HEMK2: variants seen among roughly 807,000 people sequenced by gnomAD.
HEMK2 encodes the protein methyltransferase HEMK2.
chr21:28,759,782 C>T, the HEMK2 span, among the ~76,000 whole-genome samples: 2 of 152,122 alleles, frequency 1.3e-5, no homozygotes, highest in Admixed American at 1.3e-4. Context: ...TCTCTCTTGT[C>T]TGCCACCATG....
At chr21:28,719,478 G>A in the HEMK2 span, among the ~76,000 whole-genome samples, 4 of 152,152 alleles carry the variant, frequency 2.6e-5, no homozygotes, top group African/African-American at 4.8e-5. Context: ...CATATAAAAC[G>A]TGCCTTTGCT....
At chr21:28,726,869 T>TAA in the HEMK2 span, among the ~76,000 whole-genome samples, 23,877 of 130,010 alleles carry the variant, frequency 0.18, 2,677 homozygotes, top group African/African-American at 0.3. Flanking sequence ...GGACCCTATC[T>TAA]AAAAAAAAAA....
the HEMK2 span, among the ~76,000 whole-genome samples, chr21:28,704,497 G>C: frequency 6.7e-6 from 1 of 149,104 alleles, no homozygotes; most frequent in African/African-American, 2.5e-5. Context: ...CCCTTGCTTA[G>C]CAATTTTACT....
the HEMK2 span, among the ~76,000 whole-genome samples, chr21:28,639,318 T>C: frequency 3.3e-5 from 5 of 152,224 alleles, no homozygotes; most frequent in Non-Finnish European, 7.3e-5. Context: ...GGCCAATCCT[T>C]ATGCAAGTAC....
the HEMK2 span, among the ~76,000 whole-genome samples, chr21:28,877,268 GGAAGGAAGGAA>G: frequency 8.9e-5 from 7 of 78,662 alleles, no homozygotes; most frequent in African/African-American, 2.6e-4. Context: ...AGGGAAGGAA[GGAAGGAAGGAA>G]GGAAGGAAGG....
At chr21:28,764,014 CAGA>C in the HEMK2 span, among the ~76,000 whole-genome samples, 1 of 152,094 alleles carries the variant, frequency 6.6e-6, no homozygotes, top group Non-Finnish European at 1.5e-5. Flanking sequence ...GTCCCCCTGG[CAGA>C]ACCAAACCTC....
the HEMK2 span, among the ~76,000 whole-genome samples, chr21:28,814,637 T>C: frequency 4.0e-5 from 6 of 151,698 alleles, no homozygotes; most frequent in Non-Finnish European, 5.9e-5. Flanking sequence ...AAAATGCTCA[T>C]CATCACTGGC....
chr21:28,812,324 C>G, the HEMK2 span, among the ~76,000 whole-genome samples: 1 of 152,026 alleles, frequency 6.6e-6, no homozygotes, highest in African/African-American at 2.4e-5. Context: ...TCCATCAATA[C>G]CTAGTTTATT....
At chr21:28,790,740 T>C in the HEMK2 span, among the ~76,000 whole-genome samples, 1 of 150,662 alleles carries the variant, frequency 6.6e-6, no homozygotes, top group African/African-American at 2.4e-5. Flanking sequence ...GTTTAAATGA[T>C]ATTGCATATG....
the HEMK2 span, among the ~76,000 whole-genome samples, chr21:28,635,518 A>G: frequency 6.6e-6 from 1 of 152,210 alleles, no homozygotes; most frequent in Non-Finnish European, 1.5e-5. Context: ...AAAAATTAAC[A>G]TGAGCTTAAA....
chr21:28,713,927 C>G, the HEMK2 span, among the ~76,000 whole-genome samples: 680 of 152,288 alleles, frequency 4.5e-3, 1 homozygote, highest in Non-Finnish European at 6.8e-3. Context: ...GCATATATAG[C>G]TAAGAAAACT....
chr21:28,791,065 C>T, the HEMK2 span, among the ~76,000 whole-genome samples: 1 of 152,084 alleles, frequency 6.6e-6, no homozygotes, highest in African/African-American at 2.4e-5. Flanking sequence ...AGTGGTTAGA[C>T]ATAGAAAATG....
the HEMK2 span, among the ~76,000 whole-genome samples, chr21:28,695,310 T>G: frequency 1.8e-4 from 27 of 152,288 alleles, no homozygotes; most frequent in Non-Finnish European, 3.7e-4. Context: ...AGATGGGGCC[T>G]AATGACAGGT....
chr21:28,655,950 T>C, the HEMK2 span, among the ~76,000 whole-genome samples: 1 of 152,112 alleles, frequency 6.6e-6, no homozygotes, highest in South Asian at 2.1e-4. Context: ...GTACATATCC[T>C]ATCTTACTCC....
chr21:28,720,507 C>T, the HEMK2 span, among the ~76,000 whole-genome samples: 62 of 152,200 alleles, frequency 4.1e-4, no homozygotes, highest in African/African-American at 1.4e-3. Flanking sequence ...CCAAGGTGGG[C>T]GGATCACCTG....
chr21:28,775,556 G>A, the HEMK2 span, among the ~76,000 whole-genome samples: 1 of 152,100 alleles, frequency 6.6e-6, no homozygotes, highest in Non-Finnish European at 1.5e-5. Context: ...ATGTAAAGGA[G>A]ACAAAGGGAG....
chr21:28,646,544 C>A, the HEMK2 span, among the ~76,000 whole-genome samples: 1 of 152,178 alleles, frequency 6.6e-6, no homozygotes, highest in Admixed American at 6.5e-5. Flanking sequence ...ACCCCCAAAA[C>A]AAAGTGGCTC....
chr21:28,740,092 T>C, the HEMK2 span, among the ~76,000 whole-genome samples: 1 of 152,254 alleles, frequency 6.6e-6, no homozygotes, highest in African/African-American at 2.4e-5. Context: ...ACACACCGTC[T>C]ATAGAAAAAG....
At chr21:28,874,676 T>G in the HEMK2 span, 1 of 152,258 alleles carries the variant, frequency 6.6e-6, no homozygotes, top group African/African-American at 2.4e-5. Flanking sequence ...AATCCTTTTT[T>G]GCTAACCCTT....
Sources: gnomAD v4.1 joint callset for allele counts (sites outside exome capture counted in the v4.1 genomes callset) on GRCh38, gnomAD v4.1.1 for gene constraint, MANE v1.5 for transcripts, NCBI Gene and HGNC (gene_info 2026-07-23, HGNC 2026-07-21) for gene names.